SUGCT: variants seen among roughly 807,000 people sequenced by gnomAD.
SUGCT encodes the protein succinyl-CoA:glutarate-CoA transferase.
In SUGCT, 41 loss-of-function variants were observed where a neutral mutation model predicts 55.0. The observed-to-expected ratio is 0.74, with a 90% CI of 0.58 to 0.97. The LOEUF (loss-of-function observed/expected upper bound fraction) is 0.97, where lower values mean the gene tolerates loss of function less well. SUGCT is among the 50% of genes least tolerant of loss of function. The probability of loss-of-function intolerance (pLI) is 0.00; values close to 1 mark genes in which losing one functional copy is unlikely to be tolerated. For missense variants in SUGCT, 568 were observed against 547.8 expected, an observed-to-expected ratio of 1.04 and a Z score of -0.37; for synonymous variants, 187 against 200.4, an observed-to-expected ratio of 0.93 and a Z score of 0.56.
intron 13 of SUGCT, among the ~76,000 whole-genome samples, chr7:40,832,989 T>A (rs2128780248): frequency 6.6e-6 from 1 of 152,004 alleles, no homozygotes; most frequent in Non-Finnish European, 1.5e-5. Flanking sequence ...CACTCCTACT[T>A]CTATTCTGCA....
intron 12 of SUGCT, among the ~76,000 whole-genome samples, chr7:40,554,950 T>C (rs930649836): frequency 6.6e-6 from 1 of 152,150 alleles, no homozygotes; most frequent in Admixed American, 6.5e-5. Context: ...TCCTGGCCCA[T>C]GAAACTGCTA....
At chr7:40,710,468 T>C (rs979157499) in intron 12 of SUGCT, among the ~76,000 whole-genome samples, 2 of 152,128 alleles carry the variant, frequency 1.3e-5, no homozygotes, top group African/African-American at 2.4e-5. Flanking sequence ...AGGCTGTTAA[T>C]GTTTTACCCC....
chr7:40,749,994 C>A (rs1245992695), intron 13 of SUGCT, among the ~76,000 whole-genome samples: 1 of 152,082 alleles, frequency 6.6e-6, no homozygotes, highest in East Asian at 1.9e-4. Context: ...TTTCAGTACA[C>A]CCAGAATAGA....
chr7:40,195,749 C>G (rs908881103), intron 6 of SUGCT, among the ~76,000 whole-genome samples: 11 of 123,296 alleles, frequency 8.9e-5, no homozygotes, highest in Non-Finnish European at 1.8e-4. Context: ...GAGTCTCACT[C>G]TGTCGCCCAG....
the SUGCT span, among the ~76,000 whole-genome samples, chr7:40,893,014 T>G: frequency 1.1e-4 from 16 of 151,080 alleles, no homozygotes; most frequent in South Asian, 4.2e-4. Flanking sequence ...GGAGCAGGAG[T>G]GGTTATATTT....
the SUGCT span, among the ~76,000 whole-genome samples, chr7:40,887,994 G>T: frequency 2.1e-5 from 2 of 93,754 alleles, no homozygotes; most frequent in Non-Finnish European, 4.5e-5. Flanking sequence ...TCTACATGCA[G>T]CATCTTTATT....
intron 9 of SUGCT, among the ~76,000 whole-genome samples, chr7:40,423,271 A>G (rs562937354): frequency 6.6e-6 from 1 of 152,268 alleles, no homozygotes; most frequent in East Asian, 1.9e-4. Context: ...CTGGACTTCC[A>G]AATACTGTGA....
At chr7:40,594,423 C>T (rs1797896613) in intron 12 of SUGCT, among the ~76,000 whole-genome samples, 1 of 152,070 alleles carries the variant, frequency 6.6e-6, no homozygotes, top group African/African-American at 2.4e-5. Flanking sequence ...ATGTGATCGC[C>T]CTTCCTTTTC....
chr7:40,200,229 C>T (rs1786514414), intron 6 of SUGCT, among the ~76,000 whole-genome samples: 1 of 152,142 alleles, frequency 6.6e-6, no homozygotes, highest in Admixed American at 6.5e-5. Flanking sequence ...GTTGAGTGCT[C>T]AGGGCAAACA....
At chr7:40,704,644 A>G (rs1371928291) in intron 12 of SUGCT, among the ~76,000 whole-genome samples, 1 of 152,194 alleles carries the variant, frequency 6.6e-6, no homozygotes, top group East Asian at 1.9e-4. Context: ...GCCAGCTTCC[A>G]CATACCTGAG....
At chr7:40,317,098 A>G (rs1196727215) in intron 9 of SUGCT, among the ~76,000 whole-genome samples, 1 of 151,368 alleles carries the variant, frequency 6.6e-6, no homozygotes, top group Non-Finnish European at 1.5e-5. Flanking sequence ...ACTTGCTGAA[A>G]GTAAGTGCCT....
intron 13 of SUGCT, among the ~76,000 whole-genome samples, chr7:40,781,539 T>C (rs192806486): frequency 6.6e-6 from 1 of 152,244 alleles, no homozygotes; most frequent in Non-Finnish European, 1.5e-5. Context: ...TTTATAATAA[T>C]GAAGCTATAT....
chr7:40,630,446 G>A (rs866833956), intron 12 of SUGCT, among the ~76,000 whole-genome samples: 5 of 152,068 alleles, frequency 3.3e-5, no homozygotes, highest in African/African-American at 9.7e-5. Flanking sequence ...AAGAAAGAGC[G>A]ACCAACAGAA....
At chr7:40,838,681 A>G (rs1793120353) in intron 13 of SUGCT, among the ~76,000 whole-genome samples, 1 of 152,180 alleles carries the variant, frequency 6.6e-6, no homozygotes, top group Non-Finnish European at 1.5e-5. Flanking sequence ...ATAGACAACC[A>G]TGCTATCTGC....
intron 12 of SUGCT, among the ~76,000 whole-genome samples, chr7:40,584,029 T>C (rs1797242084): frequency 6.6e-6 from 1 of 152,148 alleles, no homozygotes; most frequent in Non-Finnish European, 1.5e-5. Context: ...GCTTTCCAAG[T>C]CAGTTCAGGG....
At chr7:40,341,468 A>T (rs1283799591) in intron 9 of SUGCT, among the ~76,000 whole-genome samples, 60 of 152,228 alleles carry the variant, frequency 3.9e-4, no homozygotes, top group Non-Finnish European at 4.4e-5. Flanking sequence ...ATGTGTAAAC[A>T]GTGAGGTCCC....
At chr7:40,822,745 A>G (rs994190307) in intron 13 of SUGCT, among the ~76,000 whole-genome samples, 2 of 152,162 alleles carry the variant, frequency 1.3e-5, no homozygotes, top group African/African-American at 2.4e-5. Flanking sequence ...GGACTCTCCT[A>G]TCTGAGGTAA....
intron 12 of SUGCT, among the ~76,000 whole-genome samples, chr7:40,700,423 T>C (rs527457720): frequency 6.6e-6 from 1 of 152,322 alleles, no homozygotes; most frequent in South Asian, 2.1e-4. Context: ...AATTTATTCA[T>C]GGACTCTGTA....
chr7:40,873,058 C>A, the SUGCT span, among the ~76,000 whole-genome samples: 1 of 152,142 alleles, frequency 6.6e-6, no homozygotes, highest in Non-Finnish European at 1.5e-5. Context: ...CCACTGAAAA[C>A]CTGCGGATCT....
Sources: allele counts gnomAD v4.1 joint callset (sites outside exome capture counted in the v4.1 genomes callset), GRCh38; gene constraint gnomAD v4.1.1; transcripts MANE v1.5; gene names NCBI Gene and HGNC (gene_info 2026-07-23, HGNC 2026-07-21).